RGS7: variants seen among roughly 807,000 people sequenced by gnomAD.
The protein encoded by RGS7 is regulator of G-protein signaling 7.
RGS7 carries 27 observed loss-of-function variants against 81.1 expected under a neutral mutation model. The ratio of observed to expected loss-of-function variants is 0.33; its 90% CI spans 0.25 to 0.46. RGS7 has a LOEUF of 0.46. RGS7 is among the 20% of genes least tolerant of loss of function. The probability of loss-of-function intolerance (pLI) is 1.00; values close to 1 mark genes in which losing one functional copy is unlikely to be tolerated. For synonymous variants in RGS7, 208 were observed against 207.7 expected, an observed-to-expected ratio of 1.00 and a Z score of -0.01; for missense variants, 396 against 607.4, an observed-to-expected ratio of 0.65 and a Z score of 3.66.
chr1:240,966,657 C>T (rs920287652), intron 4 of RGS7, among the ~76,000 whole-genome samples: 15 of 152,140 alleles, frequency 9.9e-5, no homozygotes, highest in Non-Finnish European at 2.1e-4. Context: ...GTTGGGCAAC[C>T]GCTCTCCTTG....
chr1:240,993,917 AT>A (rs1309898143), intron 3 of RGS7, among the ~76,000 whole-genome samples: 1 of 152,108 alleles, frequency 6.6e-6, no homozygotes, highest in East Asian at 1.9e-4. Flanking sequence ...CTCTAGCACC[AT>A]TTCTTGACAA....
chr1:240,834,064 G>A (rs368064364), intron 9 of RGS7, among the ~76,000 whole-genome samples: 23 of 152,300 alleles, frequency 1.5e-4, no homozygotes, highest in African/African-American at 5.5e-4. Context: ...TGGTATTACA[G>A]GTGCGAAGCA....
At chr1:240,987,949 C>T (rs2148577916) in intron 3 of RGS7, among the ~76,000 whole-genome samples, 1 of 152,196 alleles carries the variant, frequency 6.6e-6, no homozygotes, top group South Asian at 2.1e-4. Context: ...CATCAAATAG[C>T]ATGTAATAAA....
At chr1:240,776,874 C>T (rs1683031101) in intron 18 of RGS7, among the ~76,000 whole-genome samples, 1 of 152,150 alleles carries the variant, frequency 6.6e-6, no homozygotes, top group South Asian at 2.1e-4. Context: ...TCTTCCAACC[C>T]TAATACAAGA....
intron 6 of RGS7, among the ~76,000 whole-genome samples, chr1:240,924,194 G>T (rs379572): frequency 0.51 from 77,002 of 151,490 alleles, 20,313 homozygotes; most frequent in Middle Eastern, 0.65. Flanking sequence ...GCCTACAATT[G>T]CTGTGGTTGG....
intron 2 of RGS7, among the ~76,000 whole-genome samples, chr1:241,350,294 G>A (rs1238638256): frequency 6.6e-6 from 1 of 152,152 alleles, no homozygotes; most frequent in Non-Finnish European, 1.5e-5. Flanking sequence ...GTATCACTGA[G>A]ATAAAAACAG....
At position 241,034,203 on chromosome 1, in the gene RGS7, C is replaced by G. The variant is rs539469114; in HGVS notation, c.176-51074G>C. 4.9e-4 allele frequency among the ~76,000 whole-genome samples: 75 copies of G among 152,316 alleles called. 1 individual carries two copies. In the Middle Eastern group the frequency reaches 0.017, roughly 35 times the overall value. ...TCAGAGATTTGTGCCATGTCATCCT[C>G]GACTACAGCCTTAGTATTTTCAACT... On this transcript the variant is annotated intron_variant, in intron 3 of 18. Coordinates refer to ENST00000440928, the MANE Select transcript of RGS7 (RefSeq NM_001364886.1).
At chr1:241,354,924 T>C (rs566165726) in intron 2 of RGS7, among the ~76,000 whole-genome samples, 2 of 152,340 alleles carry the variant, frequency 1.3e-5, no homozygotes, top group Middle Eastern at 3.4e-3. Flanking sequence ...TTGTTGATGA[T>C]AACCAGAGTG....
chr1:240,938,669 GAAC>G (rs1171460247), intron 4 of RGS7, among the ~76,000 whole-genome samples: 2 of 152,086 alleles, frequency 1.3e-5, no homozygotes, highest in Non-Finnish European at 2.9e-5. Context: ...CGATAATAAA[GAAC>G]AACTGCCAAT....
chr1:240,788,236 T>C (rs767843735), intron 18 of RGS7, among the ~76,000 whole-genome samples: 9 of 152,218 alleles, frequency 5.9e-5, no homozygotes, highest in Non-Finnish European at 1.0e-4. Context: ...TTTATTTTAA[T>C]AAAGTACTTA....
At chr1:240,823,169 C>T (rs1244565707) in intron 10 of RGS7, 8 of 1,135,116 alleles carry the variant, frequency 7.0e-6, no homozygotes, top group South Asian at 2.5e-5. Flanking sequence ...CCATAGAAGT[C>T]CTCTTTGAAG....
intron 6 of RGS7, among the ~76,000 whole-genome samples, chr1:240,881,239 T>C (rs1319791332): frequency 6.6e-6 from 1 of 151,196 alleles, no homozygotes; most frequent in African/African-American, 2.4e-5. Flanking sequence ...CTGAGCAAAC[T>C]ATCGCAAGGT....
chr1:241,105,880 G>A lies in RGS7; in HGVS notation c.79-7118C>T, dbSNP rs564439244. Among the ~76,000 whole-genome samples, 280 of 152,256 alleles carry A rather than the reference G, an allele frequency of 1.8e-3. 8 individuals are homozygous for A. The highest frequency in any genetic ancestry group is 6.8e-3 in the Middle Eastern group (2 of 294). ...GCACAGGCATTTGGAGATATAAATG[G>A]GAGACTAAGTGGGCAGATTGAATGG... On this transcript the variant is annotated intron_variant, in intron 2 of 18. Coordinates refer to ENST00000440928, the MANE Select transcript of RGS7 (RefSeq NM_001364886.1).
At chr1:240,887,933 C>A (rs1667656356) in intron 6 of RGS7, among the ~76,000 whole-genome samples, 1 of 152,182 alleles carries the variant, frequency 6.6e-6, no homozygotes, top group Non-Finnish European at 1.5e-5. Context: ...TCAGTAGCTT[C>A]CCCATGTTGC....
At chr1:241,276,297 T>A (rs1267320490) in intron 2 of RGS7, among the ~76,000 whole-genome samples, 1 of 152,172 alleles carries the variant, frequency 6.6e-6, no homozygotes, top group Non-Finnish European at 1.5e-5. Flanking sequence ...AAACAGTCTA[T>A]CAAGGGTTCA....
At chr1:241,335,931 T>TGTGC (rs1377028408) in intron 2 of RGS7, among the ~76,000 whole-genome samples, 3 of 152,208 alleles carry the variant, frequency 2.0e-5, no homozygotes, top group Non-Finnish European at 4.4e-5. Flanking sequence ...GATATGAGTG[T>TGTGC]GTGTTTCACT....
chr1:241,126,243 G>A (rs905226198), intron 2 of RGS7, among the ~76,000 whole-genome samples: 6 of 151,894 alleles, frequency 4.0e-5, no homozygotes, highest in South Asian at 2.1e-4. Context: ...TCCGCCTCCC[G>A]GGTTCAAGGA....
chr1:240,858,092 A>T (rs1013196145), intron 9 of RGS7, among the ~76,000 whole-genome samples: 1 of 152,190 alleles, frequency 6.6e-6, no homozygotes, highest in Non-Finnish European at 1.5e-5. Context: ...TATTAGCAGC[A>T]TGAGAATGAA....
Position 240,923,550 on chromosome 1 carries a change from C to T in RGS7, c.385+7167G>A, listed in dbSNP as rs1394334758. 2.6e-5 allele frequency among the ~76,000 whole-genome samples: 4 copies of T among 151,982 alleles called. No individual in the cohort carries two copies. The East Asian group carries it at 7.7e-4, about 29-fold the overall frequency. Reference sequence around the variant, plus strand: ...AGAACATGATTTTAGGAGCCACTAACACCTGGCTTCAAAAACAGACATGCA... The same window carrying T: ...AGAACATGATTTTAGGAGCCACTAATACCTGGCTTCAAAAACAGACATGCA... On this transcript the variant is annotated intron_variant, in intron 6 of 18. Coordinates refer to ENST00000440928, the MANE Select transcript of RGS7 (RefSeq NM_001364886.1).
Sources: gnomAD v4.1 joint callset for allele counts (sites outside exome capture counted in the v4.1 genomes callset) on GRCh38, gnomAD v4.1.1 for gene constraint, MANE v1.5 for transcripts, NCBI Gene and HGNC (gene_info 2026-07-23, HGNC 2026-07-21) for gene names.